Variants in NEK7 observed in about 807,000 individuals in gnomAD.
The protein encoded by NEK7 is NIMA related kinase 7.
A neutral mutation model predicts 44.6 loss-of-function variants in NEK7; 18 were observed. The observed-to-expected ratio is 0.40, with a 90% CI of 0.28 to 0.60. The LOEUF is 0.60. NEK7 is among the 20% of genes least tolerant of loss of function. The pLI is 0.38. For synonymous variants in NEK7, 130 were observed against 121.1 expected, an observed-to-expected ratio of 1.07 and a Z score of -0.48; for missense variants, 256 against 366.5, an observed-to-expected ratio of 0.70 and a Z score of 2.46.
In NEK7 at chr1:198,284,840, T is replaced by C. The variant is rs76497604; in HGVS notation, c.589+5779T>C. Among the ~76,000 whole-genome samples the C allele has an allele frequency of 2.0e-5, 3 of 152,270 alleles. No homozygotes were observed. In the East Asian group the frequency reaches 5.8e-4, roughly 29 times the overall value. Reference sequence around the variant, plus strand: ...ATCAAACTTCCCTTATTTCCTATAATAGTGACCCAGGAGAATCCTCTGTTG... The same window carrying C: ...ATCAAACTTCCCTTATTTCCTATAACAGTGACCCAGGAGAATCCTCTGTTG... On this transcript the variant is annotated intron_variant, in intron 7 of 9. Transcript: ENST00000367385.
At chr1:198,160,053 A>G (rs1475560429) in intron 1 of NEK7, among the ~76,000 whole-genome samples, 1 of 151,728 alleles carries the variant, frequency 6.6e-6, no homozygotes, top group African/African-American at 2.4e-5. Flanking sequence ...TGAAATATAG[A>G]CTTCTTTTTT....
At chr1:198,213,261 G>T (rs186794457) in intron 1 of NEK7, among the ~76,000 whole-genome samples, 1 of 152,338 alleles carries the variant, frequency 6.6e-6, no homozygotes, top group Non-Finnish European at 1.5e-5. Flanking sequence ...TGGGACAAAA[G>T]AAACCAGATT....
intron 1 of NEK7, among the ~76,000 whole-genome samples, chr1:198,183,378 A>T (rs1284694390): frequency 1.3e-5 from 2 of 152,126 alleles, no homozygotes; most frequent in Non-Finnish European, 2.9e-5. Context: ...GGGGCCTGTA[A>T]TTCCAGGCTA....
intron 1 of NEK7, among the ~76,000 whole-genome samples, chr1:198,180,459 G>A (rs1045540084): frequency 6.6e-6 from 1 of 152,010 alleles, no homozygotes; most frequent in Non-Finnish European, 1.5e-5. Flanking sequence ...TTGAGGAATG[G>A]GCAGGCTTTT....
At chr1:198,293,085 G>A in intron 8 of NEK7, 46 bp downstream of exon 8, 2 of 988,402 alleles carry the variant, frequency 2.0e-6, no homozygotes, top group Non-Finnish European at 3.2e-6. Context: ...GTTTTACTTA[G>A]TATATTTCCT....
chr1:198,199,299 A>G (rs552068093), intron 1 of NEK7, among the ~76,000 whole-genome samples: 3 of 152,278 alleles, frequency 2.0e-5, no homozygotes, highest in Admixed American at 6.5e-5. Context: ...ACCTTTGTTC[A>G]GTCACCTTGA....
rs1343950844 is a variant in NEK7 at position 198,317,871 on chromosome 1, A to ATATT, written c.799-1535_799-1532dup. 1.9e-4 allele frequency among the ~76,000 whole-genome samples: 10 copies of ATATT among 52,424 alleles called. 1 individual carries two copies. Among genetic ancestry groups the ATATT allele is most frequent in the Admixed American group, 5.4e-4 (2 of 3,726 alleles). 34.4% of individuals were successfully genotyped at this position (52,424 alleles called of 152,430 possible). A position where few individuals can be genotyped will look rare whatever the true frequency, so the allele number is the denominator to read the frequency against. On this transcript the variant is annotated intron_variant, in intron 9 of 9. Coordinates refer to ENST00000367385, the MANE Select transcript of NEK7 (RefSeq NM_133494.3). ...TCTTCTGCATTGTGTATTACTGGAT[A>ATATT]TATTTATTTTTTTTTTTTTTTTTTT...
intron 9 of NEK7, among the ~76,000 whole-genome samples, chr1:198,315,280 C>T (rs1019237714): frequency 7.9e-5 from 12 of 152,194 alleles, no homozygotes; most frequent in Non-Finnish European, 1.3e-4. Flanking sequence ...GGCAATGCCT[C>T]GCCCTGCTTC....
chr1:198,210,916 C>G (rs1200722926), intron 1 of NEK7, among the ~76,000 whole-genome samples: 3 of 151,710 alleles, frequency 2.0e-5, no homozygotes, highest in South Asian at 2.1e-4. Flanking sequence ...CTACGCCCGG[C>G]TAATTTTTTG....
intron 5 of NEK7, among the ~76,000 whole-genome samples, chr1:198,267,933 A>T (rs190771870): frequency 6.6e-6 from 1 of 151,968 alleles, no homozygotes; most frequent in African/African-American, 2.4e-5. Flanking sequence ...TCATGAAACC[A>T]GAGGACTTTG....
chr1:198,302,060 A>C (rs555825063), intron 9 of NEK7, among the ~76,000 whole-genome samples: 1 of 152,218 alleles, frequency 6.6e-6, no homozygotes, highest in Non-Finnish European at 1.5e-5. Flanking sequence ...CCCAGTGATC[A>C]GTTTCCACAT....
chr1:198,224,310 G>T (rs971807548), intron 1 of NEK7, among the ~76,000 whole-genome samples: 2 of 152,084 alleles, frequency 1.3e-5, no homozygotes, highest in Non-Finnish European at 2.9e-5. Flanking sequence ...TTACCACTGT[G>T]TTCGAGTTGT....
intron 2 of NEK7, among the ~76,000 whole-genome samples, chr1:198,247,378 G>A (rs1481476192): frequency 6.6e-6 from 1 of 152,156 alleles, no homozygotes; most frequent in Non-Finnish European, 1.5e-5. Context: ...TAACCTGGCA[G>A]TGTGGCATAG....
intron 1 of NEK7, among the ~76,000 whole-genome samples, chr1:198,186,011 G>A (rs1350183917): frequency 6.6e-6 from 1 of 152,202 alleles, no homozygotes; most frequent in African/African-American, 2.4e-5. Context: ...CTTGGATCTA[G>A]AAGATAATCT....
At chr1:198,266,448 C>A (rs764350301) in intron 5 of NEK7, among the ~76,000 whole-genome samples, 1 of 151,980 alleles carries the variant, frequency 6.6e-6, no homozygotes, top group Non-Finnish European at 1.5e-5. Context: ...TGGAACTCAT[C>A]ATCCAGTGGG....
chr1:198,232,358 G>A (rs564103652), intron 1 of NEK7, among the ~76,000 whole-genome samples, 195 bp from the exon 2 acceptor site: 1 of 152,270 alleles, frequency 6.6e-6, no homozygotes, highest in African/African-American at 2.4e-5. Context: ...AAGTGGAAAT[G>A]GTTGAGACAG....
intron 1 of NEK7, among the ~76,000 whole-genome samples, chr1:198,207,641 A>G (rs1403120777): frequency 2.0e-5 from 3 of 152,192 alleles, no homozygotes; most frequent in Non-Finnish European, 4.4e-5. Flanking sequence ...ATAAAACTAT[A>G]GGGACAGAAT....
intron 3 of NEK7, among the ~76,000 whole-genome samples, chr1:198,259,483 C>T (rs912632570): frequency 2.0e-5 from 3 of 152,136 alleles, no homozygotes; most frequent in Non-Finnish European, 4.4e-5. Context: ...GATATACTTA[C>T]AATTTTGTGC....
chr1:198,262,652 G>T lies in NEK7; in HGVS notation c.261+15G>T. 1 of 1,491,436 alleles carries T rather than the reference G, an allele frequency of 6.7e-7. No individual in the cohort carries two copies. Among genetic ancestry groups the T allele is most frequent in the Non-Finnish European group, 9.3e-7 (1 of 1,081,040 alleles). The allele number at this position is 1,491,436 out of a possible 1,614,324, so 92.4% of individuals were successfully genotyped here. ...ATCTTCTTAAGGTAATTAATGAACT[G>T]TTGACTCTTTTGAACATAACATGGT... is the stretch of plus-strand genomic sequence containing the variant. On this transcript the variant is annotated intron_variant, in intron 4 of 9. Transcript: ENST00000367385.
Sources: allele counts gnomAD v4.1 joint callset (sites outside exome capture counted in the v4.1 genomes callset), GRCh38; gene constraint gnomAD v4.1.1; transcripts MANE v1.5; gene names NCBI Gene and HGNC (gene_info 2026-07-23, HGNC 2026-07-21).